Variants in OLFM3 observed in about 807,000 individuals in gnomAD.
The protein encoded by OLFM3 is olfactomedin 3, also known as noelin-3.
OLFM3 carries 20 observed loss-of-function variants against 48.6 expected under a neutral mutation model. The observed-to-expected ratio is 0.41, with a 90% CI of 0.29 to 0.60. OLFM3 has a LOEUF of 0.60. Among genes scored for constraint, OLFM3 ranks in the 20% least tolerant of loss-of-function variants. The pLI is 0.28. For synonymous variants in OLFM3, 222 were observed against 198.1 expected (o/e 1.12, Z -1.01); for missense variants, 437 against 544.3 (o/e 0.80, Z 1.96).
At chr1:101,951,250 A>G (rs947789435) in intron 1 of OLFM3, among the ~76,000 whole-genome samples, 1 of 152,246 alleles carries the variant, frequency 6.6e-6, no homozygotes, top group Non-Finnish European at 1.5e-5. Context: ...TATTTGAATT[A>G]GTAATTGTGA....
intron 1 of OLFM3, among the ~76,000 whole-genome samples, chr1:101,900,503 G>A (rs908843012): frequency 1.3e-5 from 2 of 152,096 alleles, no homozygotes; most frequent in Non-Finnish European, 2.9e-5. Context: ...GCATAGAGAA[G>A]GCATTCAGTG....
chr1:101,976,771 T>G (rs1376608444), intron 1 of OLFM3, among the ~76,000 whole-genome samples: 1 of 152,308 alleles, frequency 6.6e-6, no homozygotes, highest in East Asian at 1.9e-4. Context: ...AGAAAAGTAA[T>G]TTGAAGTCTT....
At chr1:101,897,699 A>G (rs1658252132) in intron 1 of OLFM3, among the ~76,000 whole-genome samples, 1 of 152,222 alleles carries the variant, frequency 6.6e-6, no homozygotes, top group African/African-American at 2.4e-5. Context: ...CAACTTTTAG[A>G]AAAGTAAATA....
intron 1 of OLFM3, among the ~76,000 whole-genome samples, chr1:101,922,068 A>G (rs1226372876): frequency 6.6e-6 from 1 of 151,956 alleles, no homozygotes; most frequent in Non-Finnish European, 1.5e-5. Flanking sequence ...CAAAAAAAAA[A>G]GGGAACCTGC....
At position 101,992,851 on chromosome 1, in the gene OLFM3, T is replaced by C. The variant is rs185251577; in HGVS notation, c.69+3897A>G. 3.7e-4 allele frequency among the ~76,000 whole-genome samples: 57 copies of C among 152,290 alleles called. 1 individual carries two copies. Among genetic ancestry groups the C allele is most frequent in the Admixed American group, 3.7e-3 (57 of 15,290 alleles). On this transcript the variant is annotated intron_variant, in intron 1 of 5. Transcript: ENST00000370103. ...ATAGGGCTTTAAAGCAATTATGTTA[T>C]TTAGGGCAAGAGATCTAATTGCCTG...
chr1:101,872,613 G>T (rs886378990), intron 1 of OLFM3, among the ~76,000 whole-genome samples: 2 of 151,930 alleles, frequency 1.3e-5, no homozygotes, highest in Admixed American at 6.6e-5. Context: ...CAGTTGTTCT[G>T]GTTCAATCTC....
intron 1 of OLFM3, among the ~76,000 whole-genome samples, chr1:101,844,598 A>C (rs1384809969): frequency 6.6e-6 from 1 of 152,168 alleles, no homozygotes. Flanking sequence ...GAATTAGATC[A>C]GTCATATTTC....
intron 1 of OLFM3, chr1:101,893,486 C>A: frequency 7.0e-6 from 2 of 287,554 alleles, no homozygotes; most frequent in Non-Finnish European, 7.2e-6. Flanking sequence ...TGAAAGATGG[C>A]CAGAAAATAA....
intron 1 of OLFM3, among the ~76,000 whole-genome samples, chr1:101,985,501 C>T (rs1292088477): frequency 3.3e-5 from 5 of 152,062 alleles, no homozygotes; most frequent in Non-Finnish European, 5.9e-5. Flanking sequence ...AAAGTAAACC[C>T]AATTTCTTGA....
At chr1:101,981,232 A>T (rs1393441260) in intron 1 of OLFM3, among the ~76,000 whole-genome samples, 1 of 151,992 alleles carries the variant, frequency 6.6e-6, no homozygotes, top group Non-Finnish European at 1.5e-5. Flanking sequence ...TTTCACCGAG[A>T]AAATGAAAGC....
chr1:101,897,273 T>TA (rs1272711927), intron 1 of OLFM3, among the ~76,000 whole-genome samples: 1 of 152,204 alleles, frequency 6.6e-6, no homozygotes, highest in Non-Finnish European at 1.5e-5. Context: ...TAAAATATTT[T>TA]AAAATAGATA....
At chr1:101,899,330 C>A (rs1433992016) in intron 1 of OLFM3, among the ~76,000 whole-genome samples, 3 of 152,152 alleles carry the variant, frequency 2.0e-5, no homozygotes, top group Admixed American at 1.3e-4. Context: ...AAGCTCACAA[C>A]ATGATAGCTT....
chr1:101,820,199 A>T (rs544512452), intron 4 of OLFM3, among the ~76,000 whole-genome samples: 9 of 152,072 alleles, frequency 5.9e-5, no homozygotes, highest in Non-Finnish European at 1.3e-4. Flanking sequence ...TCTACTTGTG[A>T]CCTTAAGTTT....
intron 1 of OLFM3, among the ~76,000 whole-genome samples, chr1:101,891,869 C>T (rs1046939347): frequency 5.9e-5 from 9 of 151,818 alleles, no homozygotes; most frequent in African/African-American, 1.9e-4. Context: ...TTGTTAGAAC[C>T]ATATGGAATT....
chr1:101,927,988 AAAGAGAAGGTATAAACCCCATT>A (rs1659326043), intron 1 of OLFM3, among the ~76,000 whole-genome samples: 1 of 152,052 alleles, frequency 6.6e-6, no homozygotes, highest in Non-Finnish European at 1.5e-5. Context: ...ATGATATGTC[AAAGAGAAGGTATAAACCCCATT>A]AAGATAGGCT....
intron 1 of OLFM3, among the ~76,000 whole-genome samples, chr1:101,968,355 A>C (rs1484420653): frequency 6.6e-6 from 1 of 152,220 alleles, no homozygotes; most frequent in Admixed American, 6.5e-5. Context: ...CAGAGAAGAT[A>C]GCTTTCACAG....
intron 1 of OLFM3, among the ~76,000 whole-genome samples, chr1:101,938,250 T>C (rs1387175456): frequency 1.3e-5 from 2 of 152,214 alleles, no homozygotes; most frequent in Non-Finnish European, 2.9e-5. Flanking sequence ...GCCCTCTCTC[T>C]ATAATCTATT....
Position 101,937,032 on chromosome 1 carries a change from A to G in OLFM3, c.69+59716T>C, listed in dbSNP as rs535051336. 1.3e-3 allele frequency among the ~76,000 whole-genome samples: 198 copies of G among 152,310 alleles called. 3 individuals are homozygous for G. Among genetic ancestry groups the G allele is most frequent in the African/African-American group, 4.5e-3 (188 of 41,550 alleles). On this transcript the variant is annotated intron_variant, in intron 1 of 5. Transcript: ENST00000370103. ...AATTCTGGAAGTTAACCTGGGAAAT[A>G]CCATTTGGGACATAGGCCCTGACAA... is the stretch of plus-strand genomic sequence containing the variant.
At chr1:101,954,525 C>G (rs1442703660) in intron 1 of OLFM3, among the ~76,000 whole-genome samples, 1 of 151,916 alleles carries the variant, frequency 6.6e-6, no homozygotes. Context: ...TTAATTTTAG[C>G]TTTTGATAAT....
Sources: gnomAD v4.1 joint callset for allele counts (sites outside exome capture counted in the v4.1 genomes callset) on GRCh38, gnomAD v4.1.1 for gene constraint, MANE v1.5 for transcripts, NCBI Gene and HGNC (gene_info 2026-07-23, HGNC 2026-07-21) for gene names.